DLG2: variants seen among roughly 807,000 people sequenced by gnomAD.
DLG2 encodes the protein disks large homolog 2.
In DLG2, 45 loss-of-function variants were observed where a neutral mutation model predicts 132.5. The ratio of observed to expected loss-of-function variants is 0.34; its 90% CI spans 0.27 to 0.44. The LOEUF is 0.44. Among genes scored for constraint, DLG2 ranks in the 20% least tolerant of loss-of-function variants. The pLI is 1.00. For synonymous variants in DLG2, 424 were observed against 419.6 expected (o/e 1.01, Z -0.13); for missense variants, 1,045 against 1,196.9 (o/e 0.87, Z 1.87).
rs116374689 is a variant in DLG2, at chr11:85,374,080, G to A, written c.41-88715C>T. On this transcript the variant is annotated intron_variant, in intron 3 of 27. Coordinates refer to ENST00000376104, the MANE Select transcript of DLG2 (RefSeq NM_001142699.3). ...TTCATCTCAGAATCTGCTTTTCAGGGCCACTGACCTAAGATGCTTTGTGCA... is the reference window on the plus strand; with the variant it reads ...TTCATCTCAGAATCTGCTTTTCAGGACCACTGACCTAAGATGCTTTGTGCA... Among the ~76,000 whole-genome samples the A allele has an allele frequency of 2.2e-3, 330 of 152,074 alleles. 1 individual carries two copies. The highest frequency in any genetic ancestry group is 7.7e-3 in the African/African-American group (320 of 41,460).
intron 8 of DLG2, among the ~76,000 whole-genome samples, chr11:84,230,615 G>A (rs1397632242): frequency 6.6e-6 from 1 of 152,112 alleles, no homozygotes; most frequent in Admixed American, 6.5e-5. Flanking sequence ...CTACTTAGGG[G>A]AAAGATATGT....
chr11:84,777,209 T>A (rs1237270369), intron 6 of DLG2, among the ~76,000 whole-genome samples: 4 of 140,108 alleles, frequency 2.9e-5, no homozygotes, highest in Non-Finnish European at 6.1e-5. Context: ...TCCATGTTGC[T>A]GCAAAAGATG....
chr11:84,112,179 T>C (rs1312634045), intron 9 of DLG2, among the ~76,000 whole-genome samples: 1 of 152,010 alleles, frequency 6.6e-6, no homozygotes, highest in Non-Finnish European at 1.5e-5. Flanking sequence ...TTTGTATTTT[T>C]AGTAGAAACG....
chr11:85,199,622 C>T (rs982376567), intron 4 of DLG2, among the ~76,000 whole-genome samples: 2 of 152,174 alleles, frequency 1.3e-5, no homozygotes, highest in African/African-American at 4.8e-5. Flanking sequence ...ACCAACCACT[C>T]AAGGTGATTC....
intron 6 of DLG2, among the ~76,000 whole-genome samples, chr11:84,950,310 T>C (rs983784343): frequency 3.9e-5 from 6 of 152,206 alleles, no homozygotes; most frequent in Non-Finnish European, 7.4e-5. Context: ...TGGCTGTCTG[T>C]GGGTGTTATC....
chr11:83,700,322 G>A (rs895389049), intron 18 of DLG2, among the ~76,000 whole-genome samples: 12 of 152,126 alleles, frequency 7.9e-5, no homozygotes, highest in Non-Finnish European at 1.6e-4. Context: ...CCAAAGAGAG[G>A]TGGAGACAAG....
intron 6 of DLG2, among the ~76,000 whole-genome samples, chr11:84,667,498 G>GTTTTTTTTTTTTTTTTTTTTTTT (rs57863742): frequency 6.5e-5 from 8 of 122,266 alleles, no homozygotes; most frequent in South Asian, 5.3e-4. Flanking sequence ...TTTGTTTTTT[G>GTTTTTTTTTTTTTTTTTTTTTTT]TTTTTTTTTT....
chr11:84,158,071 G>GTT (rs34592660), intron 9 of DLG2, among the ~76,000 whole-genome samples: 1 of 147,352 alleles, frequency 6.8e-6, no homozygotes, highest in Non-Finnish European at 1.5e-5. Context: ...TGTTTTTTTG[G>GTT]TTTTTTTTTT....
chr11:83,577,552 T>TAGAA (rs2096893625), intron 19 of DLG2, among the ~76,000 whole-genome samples: 1 of 51,764 alleles, frequency 1.9e-5, no homozygotes, highest in Non-Finnish European at 3.5e-5. Context: ...AGGGACAGAA[T>TAGAA]TAATAGAATA....
chr11:84,891,993 G>A (rs12290560), intron 6 of DLG2, among the ~76,000 whole-genome samples: 14,694 of 152,150 alleles, frequency 0.097, 935 homozygotes, highest in African/African-American at 0.18. Context: ...ATATTTATAT[G>A]GTAATCTATT....
chr11:85,583,394 C>T lies in DLG2; in HGVS notation c.40+15263G>A, dbSNP rs2078750863. Among the ~76,000 whole-genome samples the T allele has an allele frequency of 1.3e-5, 2 of 150,158 alleles. 1 individual carries two copies. Among genetic ancestry groups the T allele is most frequent in the South Asian group, 4.2e-4 (2 of 4,746 alleles). ...TTGAGACAGGGTCTCACAATGTTACCCAGGTTGGTCTTAAACTCCTGGCCT... is the reference window on the plus strand; with the variant it reads ...TTGAGACAGGGTCTCACAATGTTACTCAGGTTGGTCTTAAACTCCTGGCCT... On this transcript the variant is annotated intron_variant, in intron 3 of 27. Transcript: ENST00000376104.
intron 8 of DLG2, among the ~76,000 whole-genome samples, chr11:84,226,490 A>G (rs1242238150): frequency 6.6e-6 from 1 of 152,242 alleles, no homozygotes; most frequent in Non-Finnish European, 1.5e-5. Context: ...ATGTGAAGGT[A>G]GGTCAAACAA....
intron 4 of DLG2, among the ~76,000 whole-genome samples, chr11:85,205,501 A>T (rs937250596): frequency 2.6e-5 from 4 of 152,172 alleles, no homozygotes; most frequent in Admixed American, 6.6e-5. Context: ...GTTAACACTC[A>T]TTCATTGTGT....
Position 84,979,160 on chromosome 11 carries a change from A to G in DLG2, c.357+132501T>C, listed in dbSNP as rs181240891. Among the ~76,000 whole-genome samples, 39 of 152,308 alleles carry G rather than the reference A, an allele frequency of 2.6e-4. No individual in the cohort carries two copies. The Middle Eastern group carries it at 0.01, about 40-fold the overall frequency. ...GCCATCATTAAAATGTCAGGAAACA[A>G]CAGGTGCTGGAGAGGATGTAGAAAA... On this transcript the variant is annotated intron_variant, in intron 6 of 27. Coordinates refer to ENST00000376104, the MANE Select transcript of DLG2 (RefSeq NM_001142699.3).
intron 18 of DLG2, among the ~76,000 whole-genome samples, chr11:83,747,439 T>C (rs2093005752): frequency 6.6e-6 from 1 of 151,944 alleles, no homozygotes. Context: ...GGTACAATTC[T>C]GGCTCACTGC....
At chr11:83,928,695 G>T (rs908831188) in intron 15 of DLG2, among the ~76,000 whole-genome samples, 1 of 151,896 alleles carries the variant, frequency 6.6e-6, no homozygotes, top group African/African-American at 2.4e-5. Flanking sequence ...GATGATCTTG[G>T]GCAAGTCAGG....
chr11:83,918,908 T>G (rs968492688), intron 15 of DLG2, among the ~76,000 whole-genome samples: 5 of 152,124 alleles, frequency 3.3e-5, no homozygotes, highest in Non-Finnish European at 7.4e-5. Flanking sequence ...CACTGCCCAG[T>G]TCTTAGAAGT....
At chr11:84,650,869 G>GTATATATATATATA (rs1183546230) in intron 6 of DLG2, among the ~76,000 whole-genome samples, 9 of 121,660 alleles carry the variant, frequency 7.4e-5, no homozygotes, top group African/African-American at 3.6e-4. Context: ...GTGTGTGTGT[G>GTATATATATATATA]TGTGTATATA....
At chr11:84,735,360 TC>T (rs2063695120) in intron 6 of DLG2, among the ~76,000 whole-genome samples, 1 of 152,174 alleles carries the variant, frequency 6.6e-6, no homozygotes, top group South Asian at 2.1e-4. Context: ...CCTGGTTTAG[TC>T]TTGGGAGGAT....
Sources: gnomAD v4.1 joint callset for allele counts (sites outside exome capture counted in the v4.1 genomes callset) on GRCh38, gnomAD v4.1.1 for gene constraint, MANE v1.5 for transcripts, NCBI Gene and HGNC (gene_info 2026-07-23, HGNC 2026-07-21) for gene names.